Variants in INTS6L observed in about 807,000 individuals in gnomAD.
INTS6L encodes integrator complex subunit 6-like.
A neutral mutation model predicts 64.7 loss-of-function variants in INTS6L; 18 were observed. The observed-to-expected ratio is 0.28, with a 90% CI of 0.19 to 0.41. INTS6L has a LOEUF of 0.41. INTS6L is among the 10% of genes least tolerant of loss of function. INTS6L has a pLI of 1.00. For missense variants in INTS6L, 533 were observed against 661.0 expected (o/e 0.81, Z 2.12); for synonymous variants, 227 against 235.9 (o/e 0.96, Z 0.34).
At chrX:135,564,667 G>A (rs1335381714) in intron 9 of INTS6L, among the ~76,000 whole-genome samples, 3 of 107,973 alleles carry the variant, frequency 2.8e-5, no homozygotes, top group Non-Finnish European at 5.7e-5. Context: ...GGGAGACAAA[G>A]GTTGTAGTGA....
Position 135,569,365 on chromosome X carries a change from G to T in INTS6L, c.1221G>T (p.Lys407Asn). 8.4e-7 allele frequency: 1 copy of T among 1,187,131 alleles called. No homozygotes were observed. Among genetic ancestry groups the T allele is most frequent in the Non-Finnish European group, 1.1e-6 (1 of 883,926 alleles). ...ACTTGTTTAAAGTTCACAAGCTTAA[G>T]CCAAATCTGAAGTGGCGACAGGCTT... is the stretch of plus-strand genomic sequence containing the variant. ...LDDLFKVHKL[K>N]PNLKWRQAFD... Residue 407 changes from lysine to asparagine, a missense_variant, in exon 10 of 18, where the codon AAG becomes AAT. By Grantham distance (94) the Lys-to-Asn change is moderately conservative. Transcript: ENST00000639893.
intron 2 of INTS6L, among the ~76,000 whole-genome samples, chrX:135,524,744 T>G (rs1382211300): frequency 8.9e-6 from 1 of 112,059 alleles, no homozygotes; most frequent in Non-Finnish European, 1.9e-5. Flanking sequence ...TGTATACTGT[T>G]GAATATGTGA....
intron 2 of INTS6L, among the ~76,000 whole-genome samples, chrX:135,540,712 A>AGCG (rs1380934867): frequency 2.9e-5 from 1 of 34,228 alleles, no homozygotes; most frequent in Non-Finnish European, 5.6e-5. Flanking sequence ...CAAGCCTCCT[A>AGCG]GCTGCTCCTC....
intron 9 of INTS6L, among the ~76,000 whole-genome samples, chrX:135,558,794 T>C (rs1184224787): frequency 1.9e-5 from 2 of 106,770 alleles, no homozygotes; most frequent in Admixed American, 9.9e-5. Flanking sequence ...TTTCTTTTTT[T>C]TTTTTTTTTG....
intron 8 of INTS6L, among the ~76,000 whole-genome samples, chrX:135,553,212 T>C (rs1405546421): frequency 1.8e-5 from 2 of 111,826 alleles, no homozygotes; most frequent in South Asian, 3.7e-4. Context: ...GTCGGGATAG[T>C]GGTTTCTCTT....
intron 2 of INTS6L, among the ~76,000 whole-genome samples, chrX:135,530,490 G>T (rs782120382): frequency 8.9e-6 from 1 of 112,070 alleles, no homozygotes; most frequent in South Asian, 3.7e-4. Context: ...CTGATATGCC[G>T]TCTTCACTTT....
At chrX:135,524,561 A>T (rs1157531283) in intron 2 of INTS6L, among the ~76,000 whole-genome samples, 2 of 111,309 alleles carry the variant, frequency 1.8e-5, no homozygotes, top group African/African-American at 6.6e-5. Context: ...TGTAAAATGA[A>T]CTTTATTTTC....
At chrX:135,543,794 C>A (rs2086287050) in intron 2 of INTS6L, among the ~76,000 whole-genome samples, 1 of 112,147 alleles carries the variant, frequency 8.9e-6, no homozygotes. Context: ...TACTTTAAAT[C>A]ATAATGCTTC....
At chrX:135,549,844 A>T (rs1337348868) in intron 7 of INTS6L, 39 bp downstream of exon 7, 26 of 1,186,848 alleles carry the variant, frequency 2.2e-5, no homozygotes, top group Non-Finnish European at 2.9e-5. Context: ...ATCATTCTGG[A>T]TTTTCAATTT....
At chrX:135,524,588 T>C (rs1363808968) in intron 2 of INTS6L, among the ~76,000 whole-genome samples, 1 of 111,780 alleles carries the variant, frequency 8.9e-6, no homozygotes, top group East Asian at 2.8e-4. Context: ...AAGGTTTGTT[T>C]CTATTGGTGT....
At position 135,575,156 on chromosome X, in the gene INTS6L, T is replaced by C; in HGVS notation, c.1814T>C (p.Leu605Pro). Residue 605 changes from leucine (L) to proline (P), a missense_variant, in exon 14 of 18, where the codon CTG becomes CCG. Coordinates refer to ENST00000639893, the MANE Select transcript of INTS6L (RefSeq NM_001351601.3). ...TATCTGAAGACATTGGCTTCTCCACTGCGAGAGATTGATCCAGACCAACCC... is the reference window on the plus strand; with the variant it reads ...TATCTGAAGACATTGGCTTCTCCACCGCGAGAGATTGATCCAGACCAACCC... ...QEYLKTLASP[L>P]REIDPDQPKR... 8.3e-7 allele frequency: 1 copy of C among 1,211,735 alleles called. No homozygotes were observed. Among genetic ancestry groups the C allele is most frequent in the Non-Finnish European group, 1.1e-6 (1 of 895,388 alleles).
intron 2 of INTS6L, among the ~76,000 whole-genome samples, chrX:135,544,761 G>A (rs1556514301): frequency 8.9e-6 from 1 of 112,069 alleles, no homozygotes; most frequent in Non-Finnish European, 1.9e-5. Context: ...GTTGACCTTG[G>A]ATCTTTGGTT....
chrX:135,567,118 G>A (rs2086971939), intron 9 of INTS6L, among the ~76,000 whole-genome samples: 1 of 111,800 alleles, frequency 8.9e-6, no homozygotes, highest in African/African-American at 3.3e-5. Flanking sequence ...AGATGAAATG[G>A]AGGCTTACAA....
intron 14 of INTS6L, among the ~76,000 whole-genome samples, chrX:135,575,785 AGTGT>A (rs10636685): frequency 5.8e-4 from 58 of 99,826 alleles, no homozygotes; most frequent in African/African-American, 1.9e-3. Flanking sequence ...AAATGTGGGG[AGTGT>A]GTGTGTGTGT....
At chrX:135,548,961 C>T (rs2086430876) in intron 6 of INTS6L, among the ~76,000 whole-genome samples, 1 of 111,849 alleles carries the variant, frequency 8.9e-6, no homozygotes, top group African/African-American at 3.2e-5. Context: ...CATTATTCAG[C>T]ATTATACAAC....
chrX:135,523,173 T>C (rs782067208), intron 2 of INTS6L, among the ~76,000 whole-genome samples: 6 of 110,743 alleles, frequency 5.4e-5, no homozygotes, highest in African/African-American at 2.0e-4. Flanking sequence ...TTGCCTGAGC[T>C]CAGGAGTTTG....
chrX:135,554,350 A>G (rs1318094654), intron 8 of INTS6L, among the ~76,000 whole-genome samples: 1 of 111,916 alleles, frequency 8.9e-6, no homozygotes, highest in South Asian at 3.7e-4. Context: ...CCTCTCTTCT[A>G]ATATACACAC....
Position 135,556,279 on chromosome X carries a change from C to G in INTS6L, c.1171C>G (p.Pro391Ala), listed in dbSNP as rs782072260. Residue 391 changes from proline (P) to alanine (A), a missense_variant, in exon 9 of 18, where the codon CCA (proline) becomes GCA (alanine). Transcript: ENST00000639893. The part of the protein sequence containing the change: ...VNLFVMPYNY[P>A]VLLPLLDDLF... ...CCTCTTTGTGATGCCTTACAACTAC[C>G]CAGTTTTACTTCCTCTTTTAGGTAA... The G allele has an allele frequency of 8.5e-7, 1 of 1,182,858 alleles. No individual in the cohort carries two copies. Among genetic ancestry groups the G allele is most frequent in the East Asian group, 3.1e-5 (1 of 32,683 alleles).
rs138490685 is a variant in INTS6L, at chrX:135,548,367, G to A, written c.742+1102G>A. ...GTATATAATCTCAGGGGTTTTTTGG[G>A]CCTCCAAGTTAAGAACATCTGCCAT... is the stretch of plus-strand genomic sequence containing the variant. On this transcript the variant is annotated intron_variant, in intron 6 of 17. Transcript: ENST00000639893. Among the ~76,000 whole-genome samples the A allele has an allele frequency of 6.8e-3, 755 of 110,918 alleles. 5 individuals carry two copies. The highest frequency in any genetic ancestry group is 0.022 in the African/African-American group (679 of 30,553).
Sources: gnomAD v4.1 joint callset for allele counts (sites outside exome capture counted in the v4.1 genomes callset) on GRCh38, gnomAD v4.1.1 for gene constraint, MANE v1.5 for transcripts, NCBI Gene and HGNC (gene_info 2026-07-23, HGNC 2026-07-21) for gene names.